Variants in ACP2 observed in about 807,000 individuals in gnomAD.
The protein encoded by ACP2 is lysosomal acid phosphatase.
Under a neutral mutation model 54.7 loss-of-function variants are expected in ACP2, and 35 were observed. The ratio of observed to expected loss-of-function variants is 0.64; its 90% CI spans 0.49 to 0.85. ACP2 has a LOEUF of 0.85. Among genes scored for constraint, ACP2 ranks in the 40% least tolerant of loss-of-function variants. The pLI is 0.00. For missense variants in ACP2, 492 were observed against 565.0 expected (o/e 0.87, Z 1.31); for synonymous variants, 210 against 224.4 (o/e 0.94, Z 0.57).
At position 47,244,851 on chromosome 11, in the gene ACP2, C is replaced by T. The variant is rs138968159; in HGVS notation, c.656G>A (p.Arg219His). 4.2e-5 allele frequency: 67 copies of T among 1,608,882 alleles called. No individual in the cohort carries two copies. The African/African-American group carries it at 8.1e-4, about 20-fold the overall frequency. The part of the protein sequence containing the change: ...TLFCEQTHGL[R>H]LPPWASPQTM... ...TTGGGGTGAGGCCCAGGGCGGCAGG[C>T]GCAGCCCGTGCGTTTGCTGTGTATC... is the stretch of plus-strand genomic sequence containing the variant. Residue 219 changes from arginine (R) to histidine (H), a missense_variant, in exon 7 of 11, where the codon CGC becomes CAC. Transcript: ENST00000672073.
In ACP2 at chr11:47,245,780, G is replaced by A. The variant is rs879040810; in HGVS notation, c.352C>T (p.Leu118=). The A allele has an allele frequency of 1.2e-6, 2 of 1,610,802 alleles. No individual in the cohort carries two copies. Among genetic ancestry groups the A allele is most frequent in the South Asian group, 1.1e-5 (1 of 90,482 alleles). The change falls in exon 4 of 11, where the codon CTG becomes TTG. Residue 118 remains leucine, a synonymous_variant. Coordinates refer to ENST00000672073, the MANE Select transcript of ACP2 (RefSeq NM_001610.4). ...DRTLMSAEAN[L]AGLFPPNGMQ... is the part of the protein sequence containing the mutation. The stretch of plus-strand genomic sequence containing the variant: ...CCGTTGGGAGGGAAGAGTCCAGCCA[G>A]GTTGGCCTCAGCACTCATGAGAGTC...
chr11:47,241,225 A>C (rs1236268551), intron 10 of ACP2, among the ~76,000 whole-genome samples: 1 of 152,200 alleles, frequency 6.6e-6, no homozygotes, highest in Non-Finnish European at 1.5e-5. Flanking sequence ...ACATTTTTTA[A>C]AAGTTAACTC....
chr11:47,244,564 A>C (rs897119094), intron 7 of ACP2, among the ~76,000 whole-genome samples, 171 bp downstream of exon 7: 1 of 152,188 alleles, frequency 6.6e-6, no homozygotes, highest in Non-Finnish European at 1.5e-5. Context: ...ATGGCAGAAA[A>C]GGAAGAGAGG....
intron 7 of ACP2, among the ~76,000 whole-genome samples, 153 bp from the exon 8 acceptor site, chr11:47,243,474 G>A (rs1471340200): frequency 6.6e-6 from 1 of 152,196 alleles, no homozygotes; most frequent in Non-Finnish European, 1.5e-5. Context: ...AGAACTCTGT[G>A]GCACCCCTCC....
intron 7 of ACP2, among the ~76,000 whole-genome samples, chr11:47,244,470 G>A (rs1042089753): frequency 4.6e-5 from 7 of 152,012 alleles, no homozygotes; most frequent in African/African-American, 1.2e-4. Context: ...AGCCAAGATC[G>A]AGCCATTGCA....
In ACP2 at chr11:47,240,039, T is replaced by C; in HGVS notation, c.*77A>G. On this transcript the variant is annotated 3_prime_UTR_variant, in exon 11 of 11. Transcript: ENST00000672073. ...AACCCAGGATCTCCTGTCCATGGGC[T>C]GGGGAGCAGCAACAGTCAGGAGCGA... The C allele has an allele frequency of 6.6e-7, 1 of 1,506,244 alleles. No individual in the cohort carries two copies. The highest frequency in any genetic ancestry group is 9.0e-7 in the Non-Finnish European group (1 of 1,113,950). 93.3% of individuals were successfully genotyped at this position (1,506,244 alleles called of 1,614,324 possible).
chr11:47,241,326 T>C (rs1237682411), intron 10 of ACP2, among the ~76,000 whole-genome samples: 2 of 152,216 alleles, frequency 1.3e-5, no homozygotes, highest in Non-Finnish European at 2.9e-5. Context: ...GAGACCAGCC[T>C]GACCAACATG....
rs1953923145 is a variant in ACP2 at position 47,242,828 on chromosome 11, A to C, written c.1033T>G (p.Cys345Gly). ...TCCTGCAGTGGGCAGCGGTGAGGGC[A>C]GCCAGGCAGGCTGAGCGGCCAGGGG... ...KAPWPLSLPG[C>G]PHRCPLQDFL... The change falls in exon 10 of 11, where the codon TGC (cysteine) becomes GGC (glycine). Residue 345 changes from cysteine (C) to glycine (G), a missense_variant. Coordinates refer to ENST00000672073, the MANE Select transcript of ACP2 (RefSeq NM_001610.4). The C allele has an allele frequency of 3.7e-6, 6 of 1,614,160 alleles. No homozygotes were observed. Among genetic ancestry groups the C allele is most frequent in the Non-Finnish European group, 5.1e-6 (6 of 1,179,974 alleles).
chr11:47,247,766 AG>A, intron 2 of ACP2, 39 bp from the exon 3 acceptor site: 2 of 1,599,706 alleles, frequency 1.3e-6, no homozygotes, highest in African/African-American at 2.7e-5. Context: ...TCTAGAGGGA[AG>A]GGGTGGCTTC....
intron 10 of ACP2, among the ~76,000 whole-genome samples, chr11:47,241,560 T>C (rs914276980): frequency 6.6e-6 from 1 of 152,068 alleles, no homozygotes; most frequent in African/African-American, 2.4e-5. Flanking sequence ...GAAAGACTGG[T>C]AGGGACAAGA....
At position 47,242,767 on chromosome 11, in the gene ACP2, T is replaced by C. The variant is rs1404022685; in HGVS notation, c.1094A>G (p.Asp365Gly). 5.0e-6 allele frequency: 8 copies of C among 1,613,936 alleles called. No individual in the cohort carries two copies. In the Admixed American group the frequency reaches 1.3e-4, roughly 27 times the overall value. Residue 365 changes from aspartate (D) to glycine (G), a missense_variant, in exon 10 of 11, where the codon GAT becomes GGT. Coordinates refer to ENST00000672073, the MANE Select transcript of ACP2 (RefSeq NM_001610.4). ...LRLTEPVVPKDWQQECQLASG... is the reference protein window; with the variant it reads ...LRLTEPVVPKGWQQECQLASG... ...TGCCAGCTGGCACTCCTGCTGCCAA[T>C]CCTTGGGCACGACGGGCTCTGTGAG...
Position 47,245,876 on chromosome 11 carries a change from G to T in ACP2, c.298-42C>A, listed in dbSNP as rs554713073. The stretch of plus-strand genomic sequence containing the variant: ...ACAAGTCGTGTGTGTGTGTGTGTGT[G>T]TGTGTGTGTTGGGGAAGTTTTGGTC... On this transcript the variant is annotated intron_variant, in intron 3 of 10. Coordinates refer to ENST00000672073, the MANE Select transcript of ACP2 (RefSeq NM_001610.4). The T allele has an allele frequency of 4.7e-5, 72 of 1,526,912 alleles. No individual in the cohort carries two copies. In the East Asian group the frequency reaches 1.6e-3, roughly 33 times the overall value. 94.6% of individuals were successfully genotyped at this position (1,526,912 alleles called of 1,614,324 possible). A position where few individuals can be genotyped will look rare whatever the true frequency, so the allele number is the denominator to read the frequency against.
At position 47,240,176 on chromosome 11, in the gene ACP2, G is replaced by A. The variant is rs780173272; in HGVS notation, c.1212C>T (p.Phe404=). The A allele has an allele frequency of 5.6e-6, 9 of 1,614,210 alleles. No individual in the cohort carries two copies. Among genetic ancestry groups the A allele is most frequent in the Non-Finnish European group, 7.6e-6 (9 of 1,180,036 alleles). ...AGCCAGGAGGCTGGGCCTGCATCCG[G>A]AAGAGGACGGTGAGGAGCAGCACTA... ...LLIVLLLTVL[F]RMQAQPPGYR... is the part of the protein sequence containing the mutation. The change falls in exon 11 of 11, where the codon TTC becomes TTT. Residue 404 remains phenylalanine (F), a synonymous_variant. Transcript: ENST00000672073.
rs201946032 is a variant in ACP2 at position 47,240,085 on chromosome 11, A to T, written c.*31T>A. ...AGCGAGGGCCCAGCCCACCTCCCCTAGGAGGTGGAGGGAAGGGGGCTGAGT... is the reference window on the plus strand; with the variant it reads ...AGCGAGGGCCCAGCCCACCTCCCCTTGGAGGTGGAGGGAAGGGGGCTGAGT... On this transcript the variant is annotated 3_prime_UTR_variant, in exon 11 of 11. Coordinates refer to ENST00000672073, the MANE Select transcript of ACP2 (RefSeq NM_001610.4). The T allele has an allele frequency of 1.2e-6, 2 of 1,602,550 alleles. No homozygotes were observed. The highest frequency in any genetic ancestry group is 2.7e-5 in the African/African-American group (2 of 74,876).
intron 3 of ACP2, among the ~76,000 whole-genome samples, chr11:47,246,757 T>G (rs1191621308): frequency 6.6e-6 from 1 of 152,050 alleles, no homozygotes; most frequent in Non-Finnish European, 1.5e-5. Context: ...ACACCTGTAA[T>G]CCCAGCTACT....
At chr11:47,247,865 TG>T in intron 2 of ACP2, 138 bp from the exon 3 acceptor site, 1 of 944,760 alleles carries the variant, frequency 1.1e-6, no homozygotes. Flanking sequence ...TTTCATTAAG[TG>T]GCCAGTCATG....
At position 47,248,804 on chromosome 11, in the gene ACP2, A is replaced by T; in HGVS notation, c.-15T>A. ...TTGCCCGCCATCACCGTTGTAATCT[A>T]TGCAGCAAACAAGCTGGAACCCGCT... On this transcript the variant is annotated 5_prime_UTR_variant, in exon 1 of 11. Coordinates refer to ENST00000672073, the MANE Select transcript of ACP2 (RefSeq NM_001610.4). 6.3e-7 allele frequency: 1 copy of T among 1,578,568 alleles called. No individual in the cohort carries two copies. The highest frequency in any genetic ancestry group is 1.2e-5 in the South Asian group (1 of 86,466).
chr11:47,242,446 T>G (rs566340511), intron 10 of ACP2, among the ~76,000 whole-genome samples: 1 of 151,700 alleles, frequency 6.6e-6, no homozygotes, highest in Non-Finnish European at 1.5e-5. Flanking sequence ...CAAGTGCGGG[T>G]GGAGAGGCCA....
chr11:47,246,438 G>C (rs1030192866), intron 3 of ACP2, among the ~76,000 whole-genome samples: 1 of 151,958 alleles, frequency 6.6e-6, no homozygotes, highest in Non-Finnish European at 1.5e-5. Context: ...AATTACCCAA[G>C]TGTGGCGGGC....
Sources: allele counts gnomAD v4.1 joint callset (sites outside exome capture counted in the v4.1 genomes callset), GRCh38; gene constraint gnomAD v4.1.1; transcripts MANE v1.5; gene names NCBI Gene and HGNC (gene_info 2026-07-23, HGNC 2026-07-21).